The following SCUBE1 variants were observed in gnomAD, a reference collection of about 807,000 sequenced individuals.
SCUBE1 encodes the protein signal peptide, CUB domain and EGF like domain containing 1.
Under a neutral mutation model 124.4 loss-of-function variants are expected in SCUBE1, and 59 were observed. The observed-to-expected ratio is 0.47, with a 90% CI of 0.38 to 0.59. The LOEUF is 0.59. Among genes scored for constraint, SCUBE1 ranks in the 20% least tolerant of loss-of-function variants. SCUBE1 has a pLI of 0.00. For missense variants in SCUBE1, 1,150 were observed against 1,371.2 expected, an observed-to-expected ratio of 0.84 and a Z score of 2.55; for synonymous variants, 545 against 550.9, an observed-to-expected ratio of 0.99 and a Z score of 0.15.
At position 43,214,221 on chromosome 22, in the gene SCUBE1, C is replaced by T. The variant is rs778758253; in HGVS notation, c.1922G>A (p.Gly641Asp). Residue 641 changes from glycine (G) to aspartate (D), a missense_variant, in exon 16 of 22, where the codon GGT becomes GAT. Physicochemically the swap from Gly to Asp is moderately conservative, Grantham distance 94. Around this residue, in one of 3 missense-constraint regions of SCUBE1, gnomAD observed 757 missense variants for 840.9 expected, o/e 0.90. Coordinates refer to ENST00000360835, the MANE Select transcript of SCUBE1 (RefSeq NM_173050.5). ...ACATGACACACACTGGCCGAGCTCA[C>T]CACCGAAGTGGGTGCCAGGCCCACA... is the stretch of plus-strand genomic sequence containing the variant. ...VACGPGTHFG[G>D]ELGQCVSCMP... 6 of 1,612,628 alleles carry T rather than the reference C, an allele frequency of 3.7e-6. No homozygotes were observed. In the Admixed American group the frequency reaches 1.0e-4, roughly 27 times the overall value.
rs746863251 is a variant in SCUBE1 at position 43,212,479 on chromosome 22, C to A, written c.2167G>T (p.Gly723Cys). 8 of 1,554,148 alleles carry A rather than the reference C, an allele frequency of 5.1e-6. No homozygotes were observed. Among genetic ancestry groups the A allele is most frequent in the Admixed American group, 1.9e-5 (1 of 51,392 alleles). Reference sequence around the variant, plus strand: ...GTGCCTTCGTGTTTGGTGAGCAAACCCCCTCCACAGGGGAAGCAGCCGGTG... The same window carrying A: ...GTGCCTTCGTGTTTGGTGAGCAAACACCCTCCACAGGGGAAGCAGCCGGTG... Reference protein sequence around the residue: ...GRTGCFPCGGGLLTKHEGTTS... With the variant: ...GRTGCFPCGGCLLTKHEGTTS... Residue 723 changes from glycine (G) to cysteine (C), a missense_variant, in exon 17 of 22, where the codon GGT (glycine) becomes TGT (cysteine). Around this residue, in one of 3 missense-constraint regions of SCUBE1, gnomAD observed 757 missense variants for 840.9 expected, o/e 0.90. Coordinates refer to ENST00000360835, the MANE Select transcript of SCUBE1 (RefSeq NM_173050.5).
rs1923736860 is a variant in SCUBE1 at position 43,258,198 on chromosome 22, G to A, written c.727+21C>T. On this transcript the variant is annotated intron_variant, in intron 6 of 21. Transcript: ENST00000360835. The surrounding 1 kb of genome is among the most constrained non-coding windows in gnomAD (Gnocchi z 5.0). ...GGGGCGGGGGGCGCAAGGGTGGTGT[G>A]TGGCAGAGGTGCCTACTTACCGATG... 1.3e-6 allele frequency: 2 copies of A among 1,546,846 alleles called. No individual in the cohort carries two copies. The highest frequency in any genetic ancestry group is 1.8e-6 in the Non-Finnish European group (2 of 1,120,348).
rs1454945347 is a variant in SCUBE1 at position 43,319,522 on chromosome 22, C to T, written c.349+415G>A. Among the ~76,000 whole-genome samples the T allele has an allele frequency of 2.4e-4, 31 of 130,186 alleles. No homozygotes were observed. In the Admixed American group the frequency reaches 2.6e-3, roughly 11 times the overall value. The allele number at this position is 130,186 out of a possible 152,430, so 85.4% of individuals were successfully genotyped here. On this transcript the variant is annotated intron_variant, in intron 3 of 21. Coordinates refer to ENST00000360835, the MANE Select transcript of SCUBE1 (RefSeq NM_173050.5). ...AGGTTGCAGTGAGCTGAGATTACAC[C>T]ACTGCATGCTTGGGTGACAGAGCAA...
At chr22:43,291,664 G>A (rs1377793760) in intron 3 of SCUBE1, among the ~76,000 whole-genome samples, 1 of 152,144 alleles carries the variant, frequency 6.6e-6, no homozygotes, top group Non-Finnish European at 1.5e-5. Context: ...CTGGTACAGC[G>A]GGACTCCATG....
intron 2 of SCUBE1, among the ~76,000 whole-genome samples, chr22:43,338,409 G>A (rs1355873159): frequency 2.0e-5 from 3 of 152,204 alleles, no homozygotes; most frequent in East Asian, 1.9e-4. Context: ...TGAACTTGAC[G>A]TTAGGGACTC....
intron 3 of SCUBE1, among the ~76,000 whole-genome samples, chr22:43,312,130 G>A (rs755462379): frequency 2.6e-5 from 4 of 152,160 alleles, no homozygotes; most frequent in Non-Finnish European, 5.9e-5. Flanking sequence ...TAGATTACAA[G>A]GCATTTTGAC....
At chr22:43,274,914 G>C (rs1000259300) in intron 4 of SCUBE1, among the ~76,000 whole-genome samples, 1 of 152,180 alleles carries the variant, frequency 6.6e-6, no homozygotes, top group Non-Finnish European at 1.5e-5. Flanking sequence ...TCATGGGCTC[G>C]GGGCACAGTA....
chr22:43,207,580 C>A lies in SCUBE1; in HGVS notation c.2768G>T (p.Arg923Leu). The change falls in exon 21 of 22, where the codon CGC (arginine) becomes CTC (leucine). Residue 923 changes from arginine (R) to leucine (L), a missense_variant. By Grantham distance (102) the Arg-to-Leu change is moderately radical (BLOSUM62 -2). Coordinates refer to ENST00000360835, the MANE Select transcript of SCUBE1 (RefSeq NM_173050.5). ...CTCCGAGGCGTACAGGCGCCCATCG[C>A]GCACGATGTCCTCTATGAGTTGCTG... Reference protein sequence around the residue: ...DYQQLIEDIVRDGRLYASENH... With the variant: ...DYQQLIEDIVLDGRLYASENH... 1 of 1,614,118 alleles carries A rather than the reference C, an allele frequency of 6.2e-7. No individual in the cohort carries two copies. The highest frequency in any genetic ancestry group is 8.5e-7 in the Non-Finnish European group (1 of 1,179,994).
chr22:43,305,037 C>T (rs1925915086), intron 3 of SCUBE1, among the ~76,000 whole-genome samples: 1 of 152,150 alleles, frequency 6.6e-6, no homozygotes, highest in Non-Finnish European at 1.5e-5. Context: ...TCTTGCTGTC[C>T]CAACCCAATA....
chr22:43,203,910 G>GTGTGGAGGCCCATGCAGCTCCCAC lies in SCUBE1; in HGVS notation c.*63_*86dup. The stretch of plus-strand genomic sequence containing the variant: ...GCAGTGCCATGGGGTTCCCAAGGTG[G>GTGTGGAGGCCCATGCAGCTCCCAC]TGTGGAGGCCCATGCAGCTCCCACT... On this transcript the variant is annotated 3_prime_UTR_variant, in exon 22 of 22. Coordinates refer to ENST00000360835, the MANE Select transcript of SCUBE1 (RefSeq NM_173050.5). 7.2e-7 allele frequency: 1 copy of GTGTGGAGGCCCATGCAGCTCCCAC among 1,390,468 alleles called. No homozygotes were observed. The highest frequency in any genetic ancestry group is 1.0e-6 in the Non-Finnish European group (1 of 995,710). 86.1% of individuals were successfully genotyped at this position (1,390,468 alleles called of 1,614,324 possible).
rs760772746 is a variant in SCUBE1 at position 43,255,503 on chromosome 22, G to A, written c.727+2716C>T. On this transcript the variant is annotated intron_variant, in intron 6 of 21. Coordinates refer to ENST00000360835, the MANE Select transcript of SCUBE1 (RefSeq NM_173050.5). The surrounding 1 kb of genome is among the most constrained non-coding windows in gnomAD (Gnocchi z 4.7). ...AAAGTGTTACCCATGAGTAGCCGCC[G>A]TTTCACCCGCTTGTCCACATCAGCT... The A allele has an allele frequency of 9.0e-6, 14 of 1,550,576 alleles. No individual in the cohort carries two copies. The highest frequency in any genetic ancestry group is 1.4e-5 in the African/African-American group (1 of 73,158).
intron 3 of SCUBE1, among the ~76,000 whole-genome samples, chr22:43,311,551 G>A (rs938709731): frequency 4.0e-5 from 6 of 151,450 alleles, no homozygotes; most frequent in African/African-American, 7.3e-5. Context: ...CTCCCAAGTG[G>A]TTGGGACTAG....
intron 17 of SCUBE1, among the ~76,000 whole-genome samples, chr22:43,212,034 G>A (rs1158325031): frequency 6.6e-6 from 1 of 152,094 alleles, no homozygotes; most frequent in African/African-American, 2.4e-5. Context: ...AGACCTGGGT[G>A]GGACCAGATG....
chr22:43,233,180 C>A (rs997743130), intron 7 of SCUBE1, among the ~76,000 whole-genome samples: 6 of 152,170 alleles, frequency 3.9e-5, no homozygotes, highest in Admixed American at 2.6e-4. Context: ...GCCTGGCCAA[C>A]GCGGAGAAAC....
At chr22:43,300,296 C>CT (rs58777690) in intron 3 of SCUBE1, among the ~76,000 whole-genome samples, 112,659 of 147,686 alleles carry the variant, frequency 0.76, 43,831 homozygotes, top group Admixed American at 0.86. Flanking sequence ...CCTTTCTGGG[C>CT]TTTTTTTTTT....
intron 2 of SCUBE1, among the ~76,000 whole-genome samples, chr22:43,324,365 C>T: frequency 6.6e-6 from 1 of 152,152 alleles, no homozygotes; most frequent in Non-Finnish European, 1.5e-5. Context: ...GCTTGCATTT[C>T]TTTCCTTAAT....
intron 2 of SCUBE1, among the ~76,000 whole-genome samples, chr22:43,321,806 G>T (rs1056733285): frequency 1.3e-5 from 2 of 152,178 alleles, no homozygotes; most frequent in Non-Finnish European, 2.9e-5. Context: ...TCAAACTCCT[G>T]GGCTCAAGGG....
At chr22:43,279,861 A>G (rs1924692697) in intron 4 of SCUBE1, among the ~76,000 whole-genome samples, 1 of 152,220 alleles carries the variant, frequency 6.6e-6, no homozygotes, top group Non-Finnish European at 1.5e-5. Context: ...AGGCTTGGAC[A>G]TGTGGTCACT....
Position 43,229,094 on chromosome 22 carries a change from G to A in SCUBE1, c.1062C>T (p.Leu354=), listed in dbSNP as rs1425593348. 2.5e-6 allele frequency: 4 copies of A among 1,613,318 alleles called. No individual in the cohort carries two copies. The highest frequency in any genetic ancestry group is 1.3e-5 in the African/African-American group (1 of 74,962). The change falls in exon 9 of 22, where the codon CTC becomes CTT. Residue 354 remains leucine (L), a synonymous_variant. Coordinates refer to ENST00000360835, the MANE Select transcript of SCUBE1 (RefSeq NM_173050.5). Reference sequence around the variant, plus strand: ...GACCTCCGCAGTGGGTTGTCCCGTAGAGGATGTAGCCGCGGTGACACAGGC... The same window carrying A: ...GACCTCCGCAGTGGGTTGTCCCGTAAAGGATGTAGCCGCGGTGACACAGGC... ...FQCLCHRGYI[L]YGTTHCGDVD...
Sources: allele counts gnomAD v4.1 joint callset (sites outside exome capture counted in the v4.1 genomes callset), GRCh38; gene constraint gnomAD v4.1.1; regional missense constraint gnomAD v4.1.1; non-coding constraint Gnocchi (gnomAD v3.1); transcripts MANE v1.5; gene names NCBI Gene and HGNC (gene_info 2026-07-23, HGNC 2026-07-21).